DHTKD1: variants seen among roughly 807,000 people sequenced by gnomAD.
The protein encoded by DHTKD1 is dehydrogenase E1 and transketolase domain containing 1.
Under a neutral mutation model 101.8 loss-of-function variants are expected in DHTKD1, and 78 were observed. That is an observed-to-expected ratio of 0.77 (90% CI 0.64 to 0.93). The LOEUF is 0.93. Ranked by LOEUF, DHTKD1 falls within the 40% of genes least tolerant of loss-of-function variation. The pLI is 0.00. For synonymous variants in DHTKD1, 462 were observed against 450.3 expected (o/e 1.03, Z -0.33); for missense variants, 1,223 against 1,161.7 (o/e 1.05, Z -0.77).
chr10:12,096,704 A>G (rs1371273077), intron 7 of DHTKD1, among the ~76,000 whole-genome samples: 1 of 152,238 alleles, frequency 6.6e-6, no homozygotes, highest in Non-Finnish European at 1.5e-5. Context: ...TATCAGGATT[A>G]AATATGATAA....
In DHTKD1 at chr10:12,118,800, A is replaced by G. The variant is rs544154603; in HGVS notation, c.2454A>G (p.Lys818=). ...CSGKHFYSLV[K]QRESLGAKKH... is the part of the protein sequence containing the mutation. Reference sequence around the variant, plus strand: ...GCAAACATTTCTACTCCCTGGTGAAACAAAGAGAATCTCTGGGGGCCAAGA... The same window carrying G: ...GCAAACATTTCTACTCCCTGGTGAAGCAAAGAGAATCTCTGGGGGCCAAGA... Residue 818 remains lysine, a synonymous_variant, in exon 15 of 17, where the codon AAA becomes AAG. Coordinates refer to ENST00000263035, the MANE Select transcript of DHTKD1 (RefSeq NM_018706.7). 5.9e-5 allele frequency: 95 copies of G among 1,607,240 alleles called. No homozygotes were observed. Among genetic ancestry groups the G allele is most frequent in the Non-Finnish European group, 7.1e-5 (84 of 1,177,380 alleles).
At chr10:12,082,103 G>A (rs916136541) in intron 2 of DHTKD1, among the ~76,000 whole-genome samples, 4 of 152,064 alleles carry the variant, frequency 2.6e-5, no homozygotes, top group African/African-American at 9.7e-5. Context: ...CTCCAGCCTG[G>A]GCAACAGAGT....
chr10:12,090,993 G>T (rs906812258), intron 5 of DHTKD1, among the ~76,000 whole-genome samples: 10 of 152,094 alleles, frequency 6.6e-5, no homozygotes, highest in African/African-American at 2.4e-4. Context: ...GGCGGAGCTT[G>T]CAGTGAGCCG....
chr10:12,111,236 G>A (rs955391114), intron 12 of DHTKD1, among the ~76,000 whole-genome samples: 1 of 152,100 alleles, frequency 6.6e-6, no homozygotes, highest in African/African-American at 2.4e-5. Flanking sequence ...TGCAGTCTTG[G>A]CTCTCTGCAA....
At position 12,118,918 on chromosome 10, in the gene DHTKD1, G is replaced by C. The variant is rs1464658048; in HGVS notation, c.2572G>C (p.Asp858His). The C allele has an allele frequency of 6.5e-7, 1 of 1,541,504 alleles. No individual in the cohort carries two copies. The highest frequency in any genetic ancestry group is 2.4e-5 in the East Asian group (1 of 41,212). Residue 858 changes from aspartate (D) to histidine (H), a missense_variant and splice_region_variant, in exon 15 of 17, where the codon GAT becomes CAT. Asp to His is a moderately conservative substitution (Grantham distance 81, BLOSUM62 -1). Coordinates refer to ENST00000263035, the MANE Select transcript of DHTKD1 (RefSeq NM_018706.7). ...GATGAGCAAATACAAACATGTTAAA[G>C]GTAAGAGGTTGTTCTCATTTGGGTT... The part of the protein sequence containing the change: ...QEMSKYKHVK[D>H]HIWSQEEPQN...
At chr10:12,118,578 T>G (rs528201504) in intron 14 of DHTKD1, among the ~76,000 whole-genome samples, 171 bp from the exon 15 acceptor site, 63 of 151,988 alleles carry the variant, frequency 4.1e-4, no homozygotes, top group South Asian at 2.1e-3. Flanking sequence ...GAGACAGGGT[T>G]TCACCGTGTT....
chr10:12,121,135 GC>G lies in DHTKD1; in HGVS notation c.*248del, dbSNP rs1475753881. ...CCTGGGAGGCTGAGGCAAGAGAATC[GC>G]TTGAATCTGGGAGGCGGAGGTTGCA... is the stretch of plus-strand genomic sequence containing the variant. On this transcript the variant is annotated 3_prime_UTR_variant, in exon 17 of 17. Coordinates refer to ENST00000263035, the MANE Select transcript of DHTKD1 (RefSeq NM_018706.7). The G allele has an allele frequency of 2.6e-6, 1 of 379,254 alleles. No homozygotes were observed. The highest frequency in any genetic ancestry group is 5.0e-6 in the Non-Finnish European group (1 of 198,266). The allele number at this position is 379,254 out of a possible 1,614,324, so 23.5% of individuals were successfully genotyped here. A position where few individuals can be genotyped will look rare whatever the true frequency, so the allele number is the denominator to read the frequency against.
intron 1 of DHTKD1, among the ~76,000 whole-genome samples, chr10:12,078,478 G>A (rs572951637): frequency 2.0e-5 from 3 of 151,768 alleles, no homozygotes; most frequent in African/African-American, 4.8e-5. Context: ...CGGGCATGGC[G>A]GCACGCACCT....
chr10:12,099,015 A>G (rs1299071784), intron 8 of DHTKD1, among the ~76,000 whole-genome samples: 11 of 152,088 alleles, frequency 7.2e-5, no homozygotes, highest in Admixed American at 7.2e-4. Flanking sequence ...AGTAAAGATT[A>G]AAAAATTTGC....
chr10:12,117,364 G>A (rs1008355743), intron 13 of DHTKD1, among the ~76,000 whole-genome samples: 1 of 149,310 alleles, frequency 6.7e-6, no homozygotes, highest in East Asian at 2.0e-4. Flanking sequence ...TGGTGGAGTA[G>A]GGGGTGCAAA....
At chr10:12,095,934 G>C (rs1017292186) in intron 7 of DHTKD1, among the ~76,000 whole-genome samples, 1 of 152,108 alleles carries the variant, frequency 6.6e-6, no homozygotes, top group African/African-American at 2.4e-5. Context: ...GCTTGAACTG[G>C]GGAGGCGGAG....
chr10:12,096,662 C>T (rs1833075110), intron 7 of DHTKD1, among the ~76,000 whole-genome samples: 1 of 152,210 alleles, frequency 6.6e-6, no homozygotes, highest in Non-Finnish European at 1.5e-5. Flanking sequence ...AGGGCGTTAG[C>T]TTTAAAATCT....
At chr10:12,094,743 A>G (rs998073589) in intron 7 of DHTKD1, among the ~76,000 whole-genome samples, 1 of 151,890 alleles carries the variant, frequency 6.6e-6, no homozygotes, top group Admixed American at 6.6e-5. Flanking sequence ...AAGCAATTGC[A>G]ATTCTTGTGC....
At position 12,112,913 on chromosome 10, in the gene DHTKD1, C is replaced by A; in HGVS notation, c.2168C>A (p.Ala723Glu). 6.2e-7 allele frequency: 1 copy of A among 1,606,660 alleles called. No homozygotes were observed. The highest frequency in any genetic ancestry group is 8.5e-7 in the Non-Finnish European group (1 of 1,176,876). Residue 723 changes from alanine (A) to glutamate (E), a missense_variant, in exon 13 of 17, where the codon GCG becomes GAG. By Grantham distance (107) the Ala-to-Glu change is moderately radical. Transcript: ENST00000263035. ...IERFLQMCDSAEEGVDGDTVN... is the reference protein window; with the variant it reads ...IERFLQMCDSEEEGVDGDTVN... ...CTTCTCTCCCAGATGTGTGACAGTG[C>A]GGAAGAGGGGGTGGACGGAGACACT...
rs1191225020 is a variant in DHTKD1, at chr10:12,122,611, C to A, written c.*1723C>A. 6.6e-6 allele frequency: 1 copy of A among 151,620 alleles called. No homozygotes were observed. Among genetic ancestry groups the A allele is most frequent in the Non-Finnish European group, 1.5e-5 (1 of 67,968 alleles). The allele number at this position is 151,620 out of a possible 1,614,324, so 9.4% of individuals were successfully genotyped here. A position where few individuals can be genotyped will look rare whatever the true frequency, so the allele number is the denominator to read the frequency against. The stretch of plus-strand genomic sequence containing the variant: ...CCAGTCTGGGTGACAGAGCAAGACT[C>A]CATCTCAAAAAATAAATAAATAGAA... On this transcript the variant is annotated 3_prime_UTR_variant, in exon 17 of 17. Coordinates refer to ENST00000263035, the MANE Select transcript of DHTKD1 (RefSeq NM_018706.7).
At chr10:12,098,496 G>A (rs1010139821) in intron 8 of DHTKD1, among the ~76,000 whole-genome samples, 2 of 152,098 alleles carry the variant, frequency 1.3e-5, no homozygotes, top group Non-Finnish European at 2.9e-5. Flanking sequence ...GCTAAAACAA[G>A]GAGAGCAAAG....
intron 12 of DHTKD1, among the ~76,000 whole-genome samples, chr10:12,111,045 CAAA>C (rs35420105): frequency 9.9e-5 from 10 of 100,722 alleles, no homozygotes; most frequent in Non-Finnish European, 9.6e-5. Flanking sequence ...GACCCTGTCT[CAAA>C]AAAAAAAAAA....
chr10:12,106,489 C>T, intron 11 of DHTKD1, 93 bp downstream of exon 11: 1 of 1,505,736 alleles, frequency 6.6e-7, no homozygotes, highest in Non-Finnish European at 9.2e-7. Flanking sequence ...CCACTGCTGC[C>T]TTGAGACTCC....
At position 12,087,475 on chromosome 10, in the gene DHTKD1, C is replaced by A; in HGVS notation, c.523-60C>A. ...CTCACAACACACACAGACTTATCTG[C>A]CTTCCACTGGAGAAGCTGGCTGTCT... On this transcript the variant is annotated intron_variant, in intron 3 of 16. Transcript: ENST00000263035. The surrounding 1 kb of genome is among the most constrained non-coding windows in gnomAD (Gnocchi z 5.2). The A allele has an allele frequency of 6.8e-7, 1 of 1,460,508 alleles. No individual in the cohort carries two copies. Among genetic ancestry groups the A allele is most frequent in the Non-Finnish European group, 9.3e-7 (1 of 1,073,106 alleles). 90.5% of individuals were successfully genotyped at this position (1,460,508 alleles called of 1,614,324 possible). A position where few individuals can be genotyped will look rare whatever the true frequency, so the allele number is the denominator to read the frequency against.
Sources: allele counts gnomAD v4.1 joint callset (sites outside exome capture counted in the v4.1 genomes callset), GRCh38; gene constraint gnomAD v4.1.1; non-coding constraint Gnocchi (gnomAD v3.1); transcripts MANE v1.5; gene names NCBI Gene and HGNC (gene_info 2026-07-23, HGNC 2026-07-21).